Variants in C12orf42 observed in about 807,000 individuals in gnomAD.
C12orf42 encodes the protein chromosome 12 open reading frame 42, also known as uncharacterized protein C12orf42.
In C12orf42, 25 loss-of-function variants were observed where a neutral mutation model predicts 21.6. The observed-to-expected ratio is 1.16, with a 90% CI of 0.84 to 1.62. The LOEUF (loss-of-function observed/expected upper bound fraction) is 1.62, where lower values mean the gene tolerates loss of function less well. Ranked by LOEUF, C12orf42 falls within the 40% of genes most tolerant of loss-of-function variation. The pLI, the probability that C12orf42 is intolerant of heterozygous loss-of-function variation, is 0.00. For synonymous variants in C12orf42, 174 were observed against 175.0 expected (o/e 0.99, Z 0.05); for missense variants, 483 against 459.3 (o/e 1.05, Z -0.47).
At chr12:103,051,626 T>C in the C12orf42 span, among the ~76,000 whole-genome samples, 1 of 152,220 alleles carries the variant, frequency 6.6e-6, no homozygotes, top group Non-Finnish European at 1.5e-5. Flanking sequence ...TCCGCATTTA[T>C]GTGAATAGGC....
intron 2 of C12orf42, among the ~76,000 whole-genome samples, chr12:103,455,190 A>T (rs1952207036): frequency 1.3e-5 from 2 of 152,090 alleles, no homozygotes; most frequent in Non-Finnish European, 2.9e-5. Flanking sequence ...CTATATAGAG[A>T]GTCAATGTAA....
intron 1 of C12orf42, among the ~76,000 whole-genome samples, chr12:103,481,114 G>A (rs1172112175): frequency 1.3e-5 from 2 of 151,552 alleles, no homozygotes; most frequent in African/African-American, 2.4e-5. Context: ...TTATTATATA[G>A]CTTTCTTCTT....
At chr12:103,488,738 A>T (rs563274270) in intron 1 of C12orf42, among the ~76,000 whole-genome samples, 22 of 152,290 alleles carry the variant, frequency 1.4e-4, no homozygotes, top group Admixed American at 7.8e-4. Context: ...CCGCTTCTTG[A>T]ATTGGCTATT....
At chr12:103,345,408 ATTG>A (rs1436695303) in intron 4 of C12orf42, among the ~76,000 whole-genome samples, 2 of 152,150 alleles carry the variant, frequency 1.3e-5, no homozygotes, top group Admixed American at 6.5e-5. Context: ...TATCACTATT[ATTG>A]TTGTTGATGA....
chr12:103,050,683 T>C, the C12orf42 span, among the ~76,000 whole-genome samples: 1 of 152,076 alleles, frequency 6.6e-6, no homozygotes, highest in African/African-American at 2.4e-5. Context: ...GAGACCCAGA[T>C]AACCAAAACT....
chr12:103,403,046 C>T (rs1056811219), intron 2 of C12orf42, among the ~76,000 whole-genome samples: 3 of 152,074 alleles, frequency 2.0e-5, no homozygotes, highest in South Asian at 2.1e-4. Flanking sequence ...ATCAACTCTG[C>T]GCTGGGCACA....
the C12orf42 span, among the ~76,000 whole-genome samples, chr12:103,538,109 T>C: frequency 6.6e-6 from 1 of 152,216 alleles, no homozygotes; most frequent in Admixed American, 6.5e-5. Flanking sequence ...ATAACCTTGT[T>C]CCACATTCAC....
the C12orf42 span, among the ~76,000 whole-genome samples, chr12:103,193,076 T>C: frequency 6.6e-6 from 1 of 151,880 alleles, no homozygotes. Context: ...AAACTAAATA[T>C]GAATAAAAAA....
chr12:103,179,531 A>T, the C12orf42 span, among the ~76,000 whole-genome samples: 1 of 152,212 alleles, frequency 6.6e-6, no homozygotes, highest in Non-Finnish European at 1.5e-5. Flanking sequence ...CCTGGAGCAT[A>T]AAATGTGAGA....
intron 2 of C12orf42, among the ~76,000 whole-genome samples, chr12:103,444,609 C>T (rs1019340930): frequency 1.3e-5 from 2 of 151,984 alleles, no homozygotes; most frequent in African/African-American, 4.8e-5. Context: ...TCTTCTGTGG[C>T]CATACTCATG....
the C12orf42 span, chr12:103,178,066 A>G: frequency 2.6e-4 from 39 of 152,228 alleles, no homozygotes; most frequent in African/African-American, 9.4e-4. Flanking sequence ...CAGACACAGG[A>G]GAAGAGCGAC....
chr12:103,500,617 T>TGTTCTGTA (rs1955694933), upstream of C12orf42, among the ~76,000 whole-genome samples: 1 of 152,212 alleles, frequency 6.6e-6, no homozygotes, highest in Admixed American at 6.5e-5. Context: ...AAACTATAAA[T>TGTTCTGTA]ATTAATCAGA....
At chr12:103,195,933 T>G in the C12orf42 span, among the ~76,000 whole-genome samples, 7 of 152,256 alleles carry the variant, frequency 4.6e-5, no homozygotes, top group African/African-American at 1.2e-4. Context: ...TATATTTAAG[T>G]TTTTCATCCA....
At chr12:103,493,453 A>T (rs1007893313) in intron 1 of C12orf42, among the ~76,000 whole-genome samples, 1 of 151,854 alleles carries the variant, frequency 6.6e-6, no homozygotes, top group Non-Finnish European at 1.5e-5. Flanking sequence ...TCAGTGACTC[A>T]GGATCCCTGA....
intron 4 of C12orf42, among the ~76,000 whole-genome samples, chr12:103,331,162 C>A (rs1395724316): frequency 2.0e-5 from 3 of 152,162 alleles, no homozygotes; most frequent in Non-Finnish European, 2.9e-5. Context: ...CATAGGTTAG[C>A]CTAGACTACC....
In C12orf42 at chr12:103,294,466, G is replaced by T. The variant is rs1184132858; in HGVS notation, n.338-17256C>A. ...AGAAAGAAAGAAAGAAAGAAAGAAAGAAAGAAATAAGCAAGCAAGCAAGAA... is the reference window on the plus strand; with the variant it reads ...AGAAAGAAAGAAAGAAAGAAAGAAATAAAGAAATAAGCAAGCAAGCAAGAA... On this transcript the variant is annotated intron_variant and non_coding_transcript_variant, in intron 4 of 6. Coordinates refer to the C12orf42 transcript ENST00000546526. Among the ~76,000 whole-genome samples the T allele has an allele frequency of 8.0e-5, 9 of 111,920 alleles. No individual in the cohort carries two copies. The South Asian group carries it at 1.5e-3, about 18-fold the overall frequency. The allele number at this position is 111,920 out of a possible 152,430, so 73.4% of individuals were successfully genotyped here. A position where few individuals can be genotyped will look rare whatever the true frequency, so the allele number is the denominator to read the frequency against.
At chr12:103,070,763 G>A in the C12orf42 span, among the ~76,000 whole-genome samples, 22 of 152,196 alleles carry the variant, frequency 1.4e-4, no homozygotes, top group African/African-American at 5.1e-4. Context: ...TTTATGACTT[G>A]TTTCTGTATC....
chr12:103,306,425 T>C, intron 4 of C12orf42, 80 bp from the exon 5 acceptor site: 2 of 1,452,960 alleles, frequency 1.4e-6, no homozygotes, highest in Non-Finnish European at 1.8e-6. Context: ...TGGAGTCAGG[T>C]AATATGTAAA....
At chr12:103,188,354 G>A in the C12orf42 span, among the ~76,000 whole-genome samples, 21 of 151,742 alleles carry the variant, frequency 1.4e-4, no homozygotes, top group East Asian at 3.9e-4. Context: ...TGAGTTCTTC[G>A]GTGGAGATTT....
Sources: gnomAD v4.1 joint callset for allele counts (sites outside exome capture counted in the v4.1 genomes callset) on GRCh38, gnomAD v4.1.1 for gene constraint, MANE v1.5 for transcripts, NCBI Gene and HGNC (gene_info 2026-07-23, HGNC 2026-07-21) for gene names.